The following PDIA4 variants were observed in gnomAD, a reference collection of about 807,000 sequenced individuals.
PDIA4 encodes protein disulfide-isomerase A4.
In PDIA4, 33 loss-of-function variants were observed where a neutral mutation model predicts 62.1. The observed-to-expected ratio is 0.53, with a 90% CI of 0.40 to 0.71. The LOEUF (loss-of-function observed/expected upper bound fraction) is 0.71, where lower values mean the gene tolerates loss of function less well. PDIA4 is among the 30% of genes least tolerant of loss of function. The pLI is 0.00. For synonymous variants in PDIA4, 341 were observed against 324.1 expected, an observed-to-expected ratio of 1.05 and a Z score of -0.56; for missense variants, 804 against 813.6, an observed-to-expected ratio of 0.99 and a Z score of 0.14.
chr7:149,026,123 G>T (rs1393008841), intron 1 of PDIA4, among the ~76,000 whole-genome samples: 1 of 152,034 alleles, frequency 6.6e-6, no homozygotes, highest in Non-Finnish European at 1.5e-5. Flanking sequence ...TGAAACACTT[G>T]AGGGGTGAGG....
chr7:149,007,297 C>A (rs771080524), intron 7 of PDIA4, among the ~76,000 whole-genome samples: 2 of 152,144 alleles, frequency 1.3e-5, no homozygotes, highest in Non-Finnish European at 1.5e-5. Context: ...CCCCGGGATT[C>A]CTGTCCTGTC....
In PDIA4 at chr7:149,003,903, T is replaced by C. The variant is rs766327781; in HGVS notation, c.1829A>G (p.Asp610Gly). The C allele has an allele frequency of 6.2e-7, 1 of 1,613,426 alleles. No individual in the cohort carries two copies. The highest frequency in any genetic ancestry group is 8.5e-7 in the Non-Finnish European group (1 of 1,179,792). ...FPTIYFAPSGDKKNPVKFEGG... is the reference protein window; with the variant it reads ...FPTIYFAPSGGKKNPVKFEGG... ...CTCAAATTTAACTGGGTTCTTTTTG[T>C]CCCCACTGGGGGCGAAGTAGATGGT... The change falls in exon 10 of 10, where the codon GAC (aspartate) becomes GGC (glycine). Residue 610 changes from aspartate (D) to glycine (G), a missense_variant. By Grantham distance (94) the Asp-to-Gly change is moderately conservative. Transcript: ENST00000652332.
At chr7:149,018,883 T>A in intron 3 of PDIA4, 109 bp downstream of exon 3, 1 of 431,868 alleles carries the variant, frequency 2.3e-6, no homozygotes, top group Non-Finnish European at 4.3e-6. Context: ...GGGCTAAGGT[T>A]CCTGAGAAAG....
chr7:149,020,094 G>A (rs1048376856), intron 2 of PDIA4, among the ~76,000 whole-genome samples: 6 of 152,090 alleles, frequency 3.9e-5, no homozygotes, highest in Admixed American at 1.3e-4. Flanking sequence ...CCGAATAGCC[G>A]GGACTACAGG....
chr7:149,017,138 G>A (rs1046767699), intron 3 of PDIA4, among the ~76,000 whole-genome samples: 4 of 152,006 alleles, frequency 2.6e-5, no homozygotes, highest in Admixed American at 1.3e-4. Context: ...TTATGTCTAT[G>A]AGGACCGGAA....
At chr7:149,007,548 G>A (rs1298374236) in intron 7 of PDIA4, among the ~76,000 whole-genome samples, 1 of 152,244 alleles carries the variant, frequency 6.6e-6, no homozygotes, top group African/African-American at 2.4e-5. Context: ...TCACCGAAGT[G>A]CAGGGCCCCT....
Position 149,008,216 on chromosome 7 carries a change from C to T in PDIA4, c.1074G>A (p.Met358Ile). The T allele has an allele frequency of 6.2e-7, 1 of 1,614,140 alleles. No individual in the cohort carries two copies. Among genetic ancestry groups the T allele is most frequent in the Non-Finnish European group, 8.5e-7 (1 of 1,180,010 alleles). The change falls in exon 7 of 10, where the codon ATG becomes ATA. Residue 358 changes from methionine (M) to isoleucine (I), a missense_variant. Transcript: ENST00000652332. The stretch of plus-strand genomic sequence containing the variant: ...ACTTGGACTGGAATTTCTCAGGCTG[C>T]ATTACAACCAACTGCCCCTGGGAGA... ...LKVSQGQLVV[M>I]QPEKFQSKYE...
chr7:149,005,438 A>C, intron 8 of PDIA4, 64 bp from the exon 9 acceptor site: 1 of 1,041,558 alleles, frequency 9.6e-7, no homozygotes, highest in South Asian at 1.3e-5. Context: ...TCAGACTCTG[A>C]GGTCAGGCTT....
intron 4 of PDIA4, 36 bp downstream of exon 4, chr7:149,014,868 G>A (rs1824075312): frequency 1.2e-6 from 2 of 1,608,350 alleles, no homozygotes; most frequent in Middle Eastern, 3.3e-4. Context: ...TGCCCACCAG[G>A]GTACTGAATA....
At chr7:149,010,386 G>A (rs1371653443) in intron 6 of PDIA4, among the ~76,000 whole-genome samples, 1 of 152,164 alleles carries the variant, frequency 6.6e-6, no homozygotes, top group African/African-American at 2.4e-5. Context: ...CCAGCTACTT[G>A]GGAGGCTGAG....
Position 149,012,425 on chromosome 7 carries a change from AG to A in PDIA4, c.615-66del, listed in dbSNP as rs1334613913. The A allele has an allele frequency of 8.5e-6, 12 of 1,403,940 alleles. 1 individual carries two copies. Among genetic ancestry groups the A allele is most frequent in the Non-Finnish European group, 9.0e-6 (9 of 1,002,668 alleles). The allele number at this position is 1,403,940 out of a possible 1,614,324, so 87.0% of individuals were successfully genotyped here. ...TGTGGACTCACTTTCTAGCTAAATG[AG>A]CTGCAGAAACCCATCCTGTGCTCCC... is the stretch of plus-strand genomic sequence containing the variant. On this transcript the variant is annotated intron_variant, in intron 4 of 9. Coordinates refer to ENST00000652332, the MANE Select transcript of PDIA4 (RefSeq NM_004911.5).
chr7:149,026,893 C>G (rs1483072130), intron 1 of PDIA4, among the ~76,000 whole-genome samples: 2 of 151,816 alleles, frequency 1.3e-5, no homozygotes, highest in African/African-American at 4.8e-5. Flanking sequence ...CTAGGAGCAA[C>G]TGCTTCCCAG....
intron 1 of PDIA4, among the ~76,000 whole-genome samples, chr7:149,023,785 T>C (rs564654639): frequency 3.9e-5 from 6 of 152,294 alleles, no homozygotes; most frequent in South Asian, 4.1e-4. Flanking sequence ...ACAACTCCTT[T>C]ACAGGGTGAA....
At chr7:149,022,850 T>C (rs1309305532) in intron 1 of PDIA4, among the ~76,000 whole-genome samples, 1 of 152,120 alleles carries the variant, frequency 6.6e-6, no homozygotes, top group African/African-American at 2.4e-5. Flanking sequence ...CATGTACCAA[T>C]CTGCAAACTT....
chr7:149,003,604 C>T lies in PDIA4; in HGVS notation c.*190G>A. On this transcript the variant is annotated 3_prime_UTR_variant, in exon 10 of 10. Transcript: ENST00000652332. ...GATGTATCCTCTGTAAAAATCTGGA[C>T]TAAACTATTCAGTCATTCATGGTTA... 1 of 421,598 alleles carries T rather than the reference C, an allele frequency of 2.4e-6. No individual in the cohort carries two copies. 26.1% of individuals were successfully genotyped at this position (421,598 alleles called of 1,614,324 possible). A position where few individuals can be genotyped will look rare whatever the true frequency, so the allele number is the denominator to read the frequency against.
intron 1 of PDIA4, among the ~76,000 whole-genome samples, chr7:149,023,748 G>A (rs192719776): frequency 3.7e-4 from 56 of 152,298 alleles, no homozygotes; most frequent in African/African-American, 1.1e-3. Flanking sequence ...CGTTTGCAGC[G>A]AAGAGGCCTA....
chr7:149,016,673 A>G (rs558891836), intron 3 of PDIA4, among the ~76,000 whole-genome samples: 77 of 152,116 alleles, frequency 5.1e-4, no homozygotes, highest in African/African-American at 1.9e-3. Context: ...CACCACATCC[A>G]GCTAATTTTT....
chr7:149,027,351 C>T (rs1299891451), intron 1 of PDIA4, among the ~76,000 whole-genome samples: 1 of 152,168 alleles, frequency 6.6e-6, no homozygotes, highest in African/African-American at 2.4e-5. Context: ...GGCAAAGACT[C>T]TTTTTGAATC....
chr7:149,025,083 A>T (rs1388992947), intron 1 of PDIA4, among the ~76,000 whole-genome samples: 3 of 21,862 alleles, frequency 1.4e-4, no homozygotes, highest in East Asian at 6.5e-4. Context: ...AAAAAAAAAA[A>T]AAATATATAT....
Sources: allele counts gnomAD v4.1 joint callset (sites outside exome capture counted in the v4.1 genomes callset), GRCh38; gene constraint gnomAD v4.1.1; transcripts MANE v1.5; gene names NCBI Gene and HGNC (gene_info 2026-07-23, HGNC 2026-07-21).